Variants in TCF25 observed in about 807,000 individuals in gnomAD.
The protein encoded by TCF25 is ribosome quality control complex subunit TCF25.
In TCF25, 41 loss-of-function variants were observed where a neutral mutation model predicts 83.1. That is an observed-to-expected ratio of 0.49 (90% CI 0.38 to 0.64). TCF25 has a LOEUF of 0.64. TCF25 is among the 30% of genes least tolerant of loss of function. The pLI, the probability that TCF25 is intolerant of heterozygous loss-of-function variation, is 0.00. For synonymous variants in TCF25, 458 were observed against 365.0 expected (o/e 1.25, Z -2.90); for missense variants, 979 against 914.5 (o/e 1.07, Z -0.91).
intron 6 of TCF25, 107 bp from the exon 7 acceptor site, chr16:89,893,621 G>A (rs957281847): frequency 2.1e-5 from 33 of 1,557,296 alleles, no homozygotes; most frequent in Non-Finnish European, 2.4e-5. Context: ...CAAGTTTGTC[G>A]ATATCGCAGA....
At chr16:89,878,961 G>A (rs12919804) in intron 1 of TCF25, among the ~76,000 whole-genome samples, 11,471 of 152,236 alleles carry the variant, frequency 0.075, 640 homozygotes, top group East Asian at 0.26. Flanking sequence ...TTTGTCTGAC[G>A]GTGATTGACA....
chr16:89,877,746 A>T (rs2042304335), intron 1 of TCF25, among the ~76,000 whole-genome samples: 1 of 152,162 alleles, frequency 6.6e-6, no homozygotes, highest in African/African-American at 2.4e-5. Context: ...AGATTGACTG[A>T]TGGAGGGAAA....
At chr16:89,895,014 C>T (rs780337854) in intron 7 of TCF25, 24 bp from the exon 8 acceptor site, 34 of 1,606,382 alleles carry the variant, frequency 2.1e-5, no homozygotes, top group Admixed American at 1.0e-4. Context: ...GCCTTTCCTC[C>T]AGGGCTGTCC....
chr16:89,878,231 G>T (rs563548845), intron 1 of TCF25, among the ~76,000 whole-genome samples: 1 of 151,854 alleles, frequency 6.6e-6, no homozygotes, highest in Non-Finnish European at 1.5e-5. Flanking sequence ...AGTGAGGTGA[G>T]ATGACGCCAC....
At position 89,892,284 on chromosome 16, in the gene TCF25, C is replaced by T. The variant is rs1372705467; in HGVS notation, c.697+9C>T. The T allele has an allele frequency of 6.2e-7, 1 of 1,607,434 alleles. No homozygotes were observed. Among genetic ancestry groups the T allele is most frequent in the African/African-American group, 1.3e-5 (1 of 74,664 alleles). On this transcript the variant is annotated intron_variant, in intron 6 of 17. Coordinates refer to ENST00000263346, the MANE Select transcript of TCF25 (RefSeq NM_014972.3). ...CCGCTACAGCAAACCAGGTGAGGGT[C>T]TGCAGATGCTGCTGGGGATGGAGGG...
intron 8 of TCF25, among the ~76,000 whole-genome samples, chr16:89,895,441 T>G (rs1234217833): frequency 6.6e-6 from 1 of 151,822 alleles, no homozygotes; most frequent in African/African-American, 2.4e-5. Context: ...CTCCTGACCT[T>G]GTGATCCACC....
At chr16:89,886,946 A>T (rs2144046817) in intron 4 of TCF25, among the ~76,000 whole-genome samples, 1 of 152,254 alleles carries the variant, frequency 6.6e-6, no homozygotes, top group South Asian at 2.1e-4. Flanking sequence ...CTGTCTCCCG[A>T]CAAAAGGAAA....
chr16:89,911,373 T>C lies in TCF25; in HGVS notation c.*135T>C, dbSNP rs1475118148. 3 of 1,197,718 alleles carry C rather than the reference T, an allele frequency of 2.5e-6. No individual in the cohort carries two copies. Among genetic ancestry groups the C allele is most frequent in the Non-Finnish European group, 3.5e-6 (3 of 853,450 alleles). 74.2% of individuals were successfully genotyped at this position (1,197,718 alleles called of 1,614,324 possible). On this transcript the variant is annotated 3_prime_UTR_variant, in exon 18 of 18. Coordinates refer to ENST00000263346, the MANE Select transcript of TCF25 (RefSeq NM_014972.3). ...CCACTGTTTCTCCTATAAATGTAAA[T>C]GGGTCACGCTCTGCCGTCCGCACCT...
At chr16:89,878,504 C>G in intron 1 of TCF25, 1 of 1,240,362 alleles carries the variant, frequency 8.1e-7, no homozygotes, top group Non-Finnish European at 1.0e-6. Context: ...AGATAAAACT[C>G]CTTCCTGGTT....
At chr16:89,886,112 TA>T (rs1267938753) in intron 4 of TCF25, 146 bp downstream of exon 4, 1 of 642,040 alleles carries the variant, frequency 1.6e-6, no homozygotes, top group Non-Finnish European at 2.8e-6. Context: ...AAATAAAATG[TA>T]CTGTCTTTAT....
At chr16:89,907,368 CCTCCCAG>C (rs2044898989) in intron 16 of TCF25, 46 bp downstream of exon 16, 4 of 1,029,222 alleles carry the variant, frequency 3.9e-6, no homozygotes, top group Admixed American at 1.9e-5. Context: ...CCACCTCCCT[CCTCCCAG>C]TTCCCAGCTC....
chr16:89,877,024 C>T (rs1012088195), intron 1 of TCF25, among the ~76,000 whole-genome samples: 1 of 151,152 alleles, frequency 6.6e-6, no homozygotes, highest in Non-Finnish European at 1.5e-5. Flanking sequence ...ATTGCTTGAA[C>T]CCAGGAGGTG....
intron 1 of TCF25, among the ~76,000 whole-genome samples, chr16:89,882,900 G>C (rs559497164): frequency 6.6e-6 from 1 of 152,320 alleles, no homozygotes; most frequent in Admixed American, 6.5e-5. Flanking sequence ...ATTTTCATTA[G>C]GAAAAGTTTG....
chr16:89,902,455 C>T (rs1368805572), intron 12 of TCF25, among the ~76,000 whole-genome samples: 15 of 111,048 alleles, frequency 1.4e-4, no homozygotes, highest in East Asian at 3.8e-4. Context: ...TTTGGGAGGC[C>T]GAGGTGGGCG....
intron 12 of TCF25, among the ~76,000 whole-genome samples, chr16:89,903,041 G>A (rs1230212401): frequency 2.0e-5 from 3 of 152,216 alleles, no homozygotes; most frequent in African/African-American, 7.2e-5. Context: ...TGTCTAAGAA[G>A]CACCTTTGTC....
At chr16:89,891,882 C>G (rs1349267109) in intron 5 of TCF25, among the ~76,000 whole-genome samples, 1 of 152,066 alleles carries the variant, frequency 6.6e-6, no homozygotes, top group Non-Finnish European at 1.5e-5. Context: ...CTTGCCCAGG[C>G]CAGTCTCGAA....
intron 1 of TCF25, among the ~76,000 whole-genome samples, chr16:89,879,283 C>G (rs71398840): frequency 1.4e-5 from 2 of 143,726 alleles, no homozygotes; most frequent in Non-Finnish European, 3.0e-5. Context: ...CACGTGTTGT[C>G]CGTGTACACA....
intron 1 of TCF25, among the ~76,000 whole-genome samples, chr16:89,878,269 G>C (rs946502653): frequency 6.7e-6 from 1 of 148,722 alleles, no homozygotes; most frequent in Admixed American, 6.7e-5. Context: ...GACAAAGTGA[G>C]ACCCTGTCTC....
At chr16:89,911,054 T>C in intron 17 of TCF25, 26 bp from the exon 18 acceptor site, 1 of 1,608,654 alleles carries the variant, frequency 6.2e-7, no homozygotes, top group South Asian at 1.1e-5. Context: ...GACAGCCCCC[T>C]TCTCAGACAT....
Sources: allele counts gnomAD v4.1 joint callset (sites outside exome capture counted in the v4.1 genomes callset), GRCh38; gene constraint gnomAD v4.1.1; transcripts MANE v1.5; gene names NCBI Gene and HGNC (gene_info 2026-07-23, HGNC 2026-07-21).